Variants in KIR2DL1 observed in about 807,000 individuals in gnomAD.
KIR2DL1 encodes killer cell immunoglobulin-like receptor 2DL1.
Under a neutral mutation model 33.9 loss-of-function variants are expected in KIR2DL1, and 38 were observed. The observed-to-expected ratio is 1.12, with a 90% CI of 0.86 to 1.47. The LOEUF (loss-of-function observed/expected upper bound fraction) is 1.47. Ranked by LOEUF, KIR2DL1 falls within the 40% of genes most tolerant of loss-of-function variation. KIR2DL1 has a pLI of 0.00. For synonymous variants in KIR2DL1, 179 were observed against 165.9 expected (o/e 1.08, Z -0.61); for missense variants, 531 against 433.9 (o/e 1.22, Z -1.99).
chr19:54,775,311 G>A lies in KIR2DL1; in HGVS notation c.517G>A (p.Ala173Thr). Residue 173 changes from alanine to threonine, a missense_variant, in exon 4 of 8, where the codon GCA (alanine) becomes ACA (threonine). Transcript: ENST00000336077. ...GGAGGCCCATGAACGTAGGCTCCCTGCAGGGCCCAAGGTCAACGGAACATT... is the reference window on the plus strand; with the variant it reads ...GGAGGCCCATGAACGTAGGCTCCCTACAGGGCCCAAGGTCAACGGAACATT... Reference protein sequence around the residue: ...EGEAHERRLPAGPKVNGTFQA... With the variant: ...EGEAHERRLPTGPKVNGTFQA... The A allele has an allele frequency of 2.5e-6, 4 of 1,584,802 alleles. No homozygotes were observed. Among genetic ancestry groups the A allele is most frequent in the Admixed American group, 1.7e-5 (1 of 59,074 alleles).
At chr19:54,780,523 A>C (rs1311437543) in intron 5 of KIR2DL1, among the ~76,000 whole-genome samples, 3,597 of 126,698 alleles carry the variant, frequency 0.028, 61 homozygotes, top group African/African-American at 0.052. Context: ...ACTCACAGCC[A>C]TTGGATTCAC....
chr19:54,777,432 T>C lies in KIR2DL1; in HGVS notation c.665-1180T>C, dbSNP rs147919182. On this transcript the variant is annotated intron_variant, in intron 4 of 7. Transcript: ENST00000336077. ...GGGGTGAGATGAAAACTCACTTTGA[T>C]TTTAATTTGCGTTTCTCTGATGATG... Among the ~76,000 whole-genome samples, 2 of 135,094 alleles carry C rather than the reference T, an allele frequency of 1.5e-5. 1 individual carries two copies. Among genetic ancestry groups the C allele is most frequent in the Non-Finnish European group, 3.3e-5 (2 of 61,476 alleles). 88.6% of individuals were successfully genotyped at this position (135,094 alleles called of 152,430 possible). A position where few individuals can be genotyped will look rare whatever the true frequency, so the allele number is the denominator to read the frequency against.
intron 2 of KIR2DL1, 112 bp from the exon 3 acceptor site, chr19:54,773,221 G>T (rs2075955372): frequency 8.1e-7 from 1 of 1,235,060 alleles, no homozygotes; most frequent in African/African-American, 1.5e-5. Context: ...TGAAGACACA[G>T]AGAGGAAGGA....
At chr19:54,776,542 T>C (rs2076364134) in intron 4 of KIR2DL1, among the ~76,000 whole-genome samples, 1 of 147,004 alleles carries the variant, frequency 6.8e-6, no homozygotes, top group Non-Finnish European at 1.5e-5. Context: ...GCTGCACCAA[T>C]CATACGAGTG....
intron 2 of KIR2DL1, 121 bp downstream of exon 2, chr19:54,771,005 G>A (rs1402912201): frequency 1.5e-6 from 2 of 1,379,274 alleles, no homozygotes; most frequent in East Asian, 2.3e-5. Flanking sequence ...CTGGGGTGCT[G>A]GGCCCACATT....
At chr19:54,771,966 T>G (rs1352400264) in intron 2 of KIR2DL1, among the ~76,000 whole-genome samples, 5 of 147,958 alleles carry the variant, frequency 3.4e-5, no homozygotes, top group African/African-American at 1.2e-4. Context: ...GGCGTGTCCT[T>G]GCGGGTCCCA....
At chr19:54,780,988 A>G (rs1270147795) in intron 5 of KIR2DL1, among the ~76,000 whole-genome samples, 2 of 97,320 alleles carry the variant, frequency 2.1e-5, no homozygotes, top group African/African-American at 8.2e-5. Flanking sequence ...AGCCTGGCCA[A>G]CGTGGTGAAA....
In KIR2DL1 at chr19:54,783,905, A is replaced by G. The variant is rs2077375802; in HGVS notation, c.*92A>G. 10 of 1,549,894 alleles carry G rather than the reference A, an allele frequency of 6.5e-6. No individual in the cohort carries two copies. The South Asian group carries it at 1.0e-4, about 16-fold the overall frequency. On this transcript the variant is annotated 3_prime_UTR_variant, in exon 8 of 8. Coordinates refer to ENST00000336077, the MANE Select transcript of KIR2DL1 (RefSeq NM_014218.3). ...CAGCTCCCATGTACCAGCAGCTGGAATCTGAAGGCGTGAGTCTGCATCTTA... is the reference window on the plus strand; with the variant it reads ...CAGCTCCCATGTACCAGCAGCTGGAGTCTGAAGGCGTGAGTCTGCATCTTA...
intron 3 of KIR2DL1, among the ~76,000 whole-genome samples, chr19:54,774,105 G>A (rs1287288395): frequency 6.7e-6 from 1 of 148,746 alleles, no homozygotes; most frequent in Admixed American, 6.8e-5. Context: ...CCATGTAATG[G>A]AGAGTAATCG....
intron 2 of KIR2DL1, among the ~76,000 whole-genome samples, chr19:54,773,011 T>C (rs377084081): frequency 6.7e-6 from 1 of 148,388 alleles, no homozygotes; most frequent in South Asian, 2.1e-4. Context: ...AGCCTGGATG[T>C]GCAGCCTATC....
chr19:54,783,067 G>A lies in KIR2DL1; in HGVS notation c.817+44G>A, dbSNP rs1260959589. 6 of 1,591,962 alleles carry A rather than the reference G, an allele frequency of 3.8e-6. No homozygotes were observed. The African/African-American group carries it at 6.7e-5, about 18-fold the overall frequency. ...AGGCCAGAGAGCTCAGGGCCATGTGGGGAAGCAGGATGGGAGCACTCAGGT... is the reference window on the plus strand; with the variant it reads ...AGGCCAGAGAGCTCAGGGCCATGTGAGGAAGCAGGATGGGAGCACTCAGGT... On this transcript the variant is annotated intron_variant, in intron 6 of 7. Coordinates refer to ENST00000336077, the MANE Select transcript of KIR2DL1 (RefSeq NM_014218.3).
Position 54,784,150 on chromosome 19 carries a change from C to G in KIR2DL1, c.*337C>G, listed in dbSNP as rs528188519. 1.8e-5 allele frequency: 9 copies of G among 502,808 alleles called. No homozygotes were observed. The Admixed American group carries it at 2.8e-4, about 16-fold the overall frequency. The allele number at this position is 502,808 out of a possible 1,614,324, so 31.1% of individuals were successfully genotyped here. ...TGAGGAACTCACAATTCCAAACATA[C>G]AAGAGGCTCCCTCTTAACGCAGCAC... On this transcript the variant is annotated 3_prime_UTR_variant, in exon 8 of 8. Transcript: ENST00000336077.
intron 4 of KIR2DL1, among the ~76,000 whole-genome samples, chr19:54,778,369 G>T (rs1461162555): frequency 6.7e-6 from 1 of 148,928 alleles, no homozygotes; most frequent in Admixed American, 6.8e-5. Context: ...ATGCTATTTT[G>T]CTTACTACAG....
chr19:54,771,987 C>T (rs2075784293), intron 2 of KIR2DL1, among the ~76,000 whole-genome samples: 1 of 147,994 alleles, frequency 6.8e-6, no homozygotes, highest in Non-Finnish European at 1.5e-5. Flanking sequence ...TCATGCAAGT[C>T]CTGACTGTAT....
At chr19:54,781,173 T>C (rs2076885700) in intron 5 of KIR2DL1, among the ~76,000 whole-genome samples, 1 of 97,700 alleles carries the variant, frequency 1.0e-5, no homozygotes, top group Admixed American at 1.2e-4. Flanking sequence ...GGAGACTCTA[T>C]CTCAAAAAAT....
At chr19:54,774,180 C>A (rs1218263465) in intron 3 of KIR2DL1, among the ~76,000 whole-genome samples, 3 of 148,702 alleles carry the variant, frequency 2.0e-5, no homozygotes, top group African/African-American at 4.9e-5. Flanking sequence ...AGTCTCCAGA[C>A]TGGATTCTGA....
At chr19:54,778,882 G>T (rs2076654161) in intron 5 of KIR2DL1, among the ~76,000 whole-genome samples, 1 of 148,444 alleles carries the variant, frequency 6.7e-6, no homozygotes, top group Non-Finnish European at 1.5e-5. Flanking sequence ...CCTCCTACAA[G>T]CTAGAAGAAT....
In KIR2DL1 at chr19:54,783,033, A is replaced by T; in HGVS notation, c.817+10A>T. 1 of 1,612,176 alleles carries T rather than the reference A, an allele frequency of 6.2e-7. No individual in the cohort carries two copies. On this transcript the variant is annotated intron_variant, in intron 6 of 7. Coordinates refer to ENST00000336077, the MANE Select transcript of KIR2DL1 (RefSeq NM_014218.3). ...TGCTCCAACAAAAAAAGTAAGTCTC[A>T]CGAAGCAGAGGCCAGAGAGCTCAGG...
chr19:54,771,706 C>T (rs2075747410), intron 2 of KIR2DL1, among the ~76,000 whole-genome samples: 1 of 148,226 alleles, frequency 6.7e-6, no homozygotes, highest in Non-Finnish European at 1.5e-5. Flanking sequence ...TTGGGTTTAA[C>T]AACTTCAGTC....
Sources: allele counts gnomAD v4.1 joint callset (sites outside exome capture counted in the v4.1 genomes callset), GRCh38; gene constraint gnomAD v4.1.1; transcripts MANE v1.5; gene names NCBI Gene and HGNC (gene_info 2026-07-23, HGNC 2026-07-21).